The following RAB18 variants were observed in gnomAD, a reference collection of about 807,000 sequenced individuals.
RAB18 encodes the protein ras-related protein Rab-18.
RAB18 carries 10 observed loss-of-function variants against 28.5 expected under a neutral mutation model. That is an observed-to-expected ratio of 0.35 (90% confidence interval 0.22 to 0.60). The LOEUF is 0.60. Among genes scored for constraint, RAB18 ranks in the 20% least tolerant of loss-of-function variants. The probability of loss-of-function intolerance (pLI) is 0.78; values close to 1 mark genes in which losing one functional copy is unlikely to be tolerated. For missense variants in RAB18, 188 were observed against 244.2 expected (o/e 0.77, Z 1.53); for synonymous variants, 93 against 86.9 (o/e 1.07, Z -0.39).
chr10:27,532,672 C>T (rs1346099644), intron 4 of RAB18, 93 bp downstream of exon 4: 3 of 903,704 alleles, frequency 3.3e-6, no homozygotes, highest in Non-Finnish European at 5.3e-6. Context: ...TGTTTTACTT[C>T]TCGTTAGAGC....
intron 2 of RAB18, among the ~76,000 whole-genome samples, chr10:27,520,601 T>A (rs1181836632): frequency 6.6e-6 from 1 of 152,110 alleles, no homozygotes; most frequent in African/African-American, 2.4e-5. Flanking sequence ...TTTATTTCCT[T>A]TATAATATAT....
At position 27,540,399 on chromosome 10, in the gene RAB18, C is replaced by T. The variant is rs1225785565; in HGVS notation, c.*2348C>T. The T allele has an allele frequency of 8.8e-6, 4 of 453,956 alleles. No individual in the cohort carries two copies. Among genetic ancestry groups the T allele is most frequent in the African/African-American group, 2.0e-5 (1 of 50,004 alleles). 28.1% of individuals were successfully genotyped at this position (453,956 alleles called of 1,614,324 possible). A position where few individuals can be genotyped will look rare whatever the true frequency, so the allele number is the denominator to read the frequency against. ...CTTCTGAGCCCATACTCTTCACCAT[C>T]GCTCATTTTACAATGGGTAGTTAGT... On this transcript the variant is annotated 3_prime_UTR_variant, in exon 7 of 7. Transcript: ENST00000356940.
At chr10:27,515,894 C>G (rs987401833) in intron 2 of RAB18, among the ~76,000 whole-genome samples, 2 of 152,074 alleles carry the variant, frequency 1.3e-5, no homozygotes, top group African/African-American at 4.8e-5. Context: ...GGGAGTGTAA[C>G]TTGGAAAGTA....
chr10:27,509,313 C>G (rs775262270), intron 1 of RAB18, among the ~76,000 whole-genome samples: 3 of 152,130 alleles, frequency 2.0e-5, no homozygotes, highest in Non-Finnish European at 2.9e-5. Flanking sequence ...CTAGTGTTTG[C>G]CCGAGTCTAT....
At chr10:27,509,640 G>T (rs1834285665) in intron 1 of RAB18, among the ~76,000 whole-genome samples, 1 of 152,158 alleles carries the variant, frequency 6.6e-6, no homozygotes, top group African/African-American at 2.4e-5. Flanking sequence ...TTGTGTAGGA[G>T]AGCACGGGGA....
chr10:27,518,384 A>G (rs866467855), intron 2 of RAB18, among the ~76,000 whole-genome samples: 13 of 152,184 alleles, frequency 8.5e-5, no homozygotes, highest in African/African-American at 2.7e-4. Flanking sequence ...TTATTCTTCT[A>G]TACCCCTCAC....
chr10:27,519,089 A>C (rs1331634950), intron 2 of RAB18, among the ~76,000 whole-genome samples: 1 of 152,118 alleles, frequency 6.6e-6, no homozygotes, highest in Non-Finnish European at 1.5e-5. Flanking sequence ...AGAACAACAC[A>C]TAATAAACCA....
At chr10:27,521,439 A>G (rs1246465355) in intron 2 of RAB18, among the ~76,000 whole-genome samples, 2 of 152,200 alleles carry the variant, frequency 1.3e-5, no homozygotes, top group Admixed American at 1.3e-4. Flanking sequence ...TTGCAAAAAT[A>G]TGGAACCAGC....
intron 1 of RAB18, 121 bp downstream of exon 1, chr10:27,504,558 C>T: frequency 8.5e-7 from 1 of 1,174,580 alleles, no homozygotes; most frequent in African/African-American, 1.5e-5. Flanking sequence ...CGGCTCCGCT[C>T]GCGCCCTCCT....
chr10:27,526,309 T>TAACC (rs1834671346), intron 2 of RAB18, among the ~76,000 whole-genome samples: 1 of 152,214 alleles, frequency 6.6e-6, no homozygotes, highest in Non-Finnish European at 1.5e-5. Flanking sequence ...TTTTTTAGGA[T>TAACC]AAAAATAAAG....
At chr10:27,512,183 A>G (rs1296020594) in intron 2 of RAB18, among the ~76,000 whole-genome samples, 1 of 152,140 alleles carries the variant, frequency 6.6e-6, no homozygotes, top group Non-Finnish European at 1.5e-5. Context: ...TAGCTTTTGC[A>G]TGATATTAAG....
At chr10:27,535,974 T>A (rs1443591527) in intron 6 of RAB18, among the ~76,000 whole-genome samples, 1 of 151,950 alleles carries the variant, frequency 6.6e-6, no homozygotes, top group African/African-American at 2.4e-5. Flanking sequence ...TCCCAGCTAC[T>A]TGGGAGGCTG....
At position 27,538,638 on chromosome 10, in the gene RAB18, T is replaced by A; in HGVS notation, c.*587T>A. On this transcript the variant is annotated 3_prime_UTR_variant, in exon 7 of 7. Transcript: ENST00000356940. Reference sequence around the variant, plus strand: ...GATGATGCTTCTAAAACAGCATTGATAGGTTAAAGAAGCTTGGTATTTTTA... The same window carrying A: ...GATGATGCTTCTAAAACAGCATTGAAAGGTTAAAGAAGCTTGGTATTTTTA... 1 of 454,154 alleles carries A rather than the reference T, an allele frequency of 2.2e-6. No homozygotes were observed. Among genetic ancestry groups the A allele is most frequent in the Non-Finnish European group, 4.4e-6 (1 of 226,686 alleles). 28.1% of individuals were successfully genotyped at this position (454,154 alleles called of 1,614,324 possible).
chr10:27,518,216 T>C (rs1834477700), intron 2 of RAB18, among the ~76,000 whole-genome samples: 1 of 152,234 alleles, frequency 6.6e-6, no homozygotes, highest in African/African-American at 2.4e-5. Context: ...TAGGATTTTG[T>C]ATGAATACTA....
chr10:27,536,641 A>C (rs575840994), intron 6 of RAB18, among the ~76,000 whole-genome samples: 2 of 152,356 alleles, frequency 1.3e-5, no homozygotes, highest in African/African-American at 4.8e-5. Flanking sequence ...AAGGCTGCAC[A>C]TGACATGTCA....
chr10:27,529,145 T>G (rs760882655), intron 3 of RAB18, among the ~76,000 whole-genome samples: 1 of 151,768 alleles, frequency 6.6e-6, no homozygotes, highest in Non-Finnish European at 1.5e-5. Context: ...TGTGTTCTTG[T>G]GTGTGTGTGT....
Position 27,541,590 on chromosome 10 carries a change from C to G in RAB18, c.*3539C>G. The stretch of plus-strand genomic sequence containing the variant: ...GAATAGTCGTGTGTTCATGCCTGTT[C>G]TCAGTCTTGTCCCCTTTACCGTTTC... On this transcript the variant is annotated 3_prime_UTR_variant, in exon 7 of 7. Transcript: ENST00000356940. 1 of 453,294 alleles carries G rather than the reference C, an allele frequency of 2.2e-6. No individual in the cohort carries two copies. The highest frequency in any genetic ancestry group is 1.6e-5 in the South Asian group (1 of 64,440). 28.1% of individuals were successfully genotyped at this position (453,294 alleles called of 1,614,324 possible).
chr10:27,519,507 A>G (rs1218026376), intron 2 of RAB18, among the ~76,000 whole-genome samples: 1 of 152,126 alleles, frequency 6.6e-6, no homozygotes, highest in Non-Finnish European at 1.5e-5. Flanking sequence ...ATCCATATTT[A>G]TAGTATCAAT....
chr10:27,532,029 C>A (rs993302438), intron 3 of RAB18, among the ~76,000 whole-genome samples: 2 of 151,812 alleles, frequency 1.3e-5, no homozygotes, highest in African/African-American at 2.4e-5. Context: ...AAGAGCCCAA[C>A]CTAAAAATCT....
Sources: gnomAD v4.1 joint callset for allele counts (sites outside exome capture counted in the v4.1 genomes callset) on GRCh38, gnomAD v4.1.1 for gene constraint, MANE v1.5 for transcripts, NCBI Gene and HGNC (gene_info 2026-07-23, HGNC 2026-07-21) for gene names.